The following DCC variants were observed in gnomAD, a reference collection of about 807,000 sequenced individuals.
The protein encoded by DCC is netrin receptor DCC.
DCC carries 58 observed loss-of-function variants against 172.5 expected under a neutral mutation model. The observed-to-expected ratio is 0.34, with a 90% CI of 0.27 to 0.42. The LOEUF (loss-of-function observed/expected upper bound fraction) is 0.42, where lower values mean the gene tolerates loss of function less well. Ranked by LOEUF, DCC falls within the 10% of genes least tolerant of loss-of-function variation. The pLI is 1.00. For synonymous variants in DCC, 709 were observed against 644.5 expected (o/e 1.10, Z -1.52); for missense variants, 1,740 against 1,791.0 (o/e 0.97, Z 0.51).
rs556684037 is a variant in DCC at position 53,011,856 on chromosome 18, T to C, written c.986-51449T>C. Among the ~76,000 whole-genome samples, 260 of 151,936 alleles carry C rather than the reference T, an allele frequency of 1.7e-3. 1 individual carries two copies. The highest frequency in any genetic ancestry group is 6.0e-3 in the African/African-American group (248 of 41,540). ...ATCCGGTCACATATTCATATTATAA[T>C]GATTATATAAGCTATAACTTTATAA... On this transcript the variant is annotated intron_variant, in intron 5 of 28. Transcript: ENST00000442544.
At chr18:53,281,856 A>G (rs944745357) in intron 12 of DCC, among the ~76,000 whole-genome samples, 6 of 151,726 alleles carry the variant, frequency 4.0e-5, no homozygotes, top group Admixed American at 1.3e-4. Context: ...TCTCCAAAAG[A>G]TATACATCCG....
chr18:52,529,569 C>T (rs1039778840), intron 1 of DCC, among the ~76,000 whole-genome samples: 1 of 152,190 alleles, frequency 6.6e-6, no homozygotes, highest in East Asian at 1.9e-4. Context: ...GGATTACAGG[C>T]GTGAGCCACC....
At chr18:53,339,649 G>T in intron 14 of DCC, 64 bp from the exon 15 acceptor site, 1 of 1,208,908 alleles carries the variant, frequency 8.3e-7, no homozygotes, top group Non-Finnish European at 1.2e-6. Flanking sequence ...TGCTTAAATG[G>T]TGTTCTGCCG....
intron 1 of DCC, among the ~76,000 whole-genome samples, chr18:52,373,482 T>A (rs567591554): frequency 6.6e-6 from 1 of 152,298 alleles, no homozygotes; most frequent in East Asian, 1.9e-4. Flanking sequence ...AGTGGAATAA[T>A]TTTGCTGTAT....
intron 1 of DCC, among the ~76,000 whole-genome samples, chr18:52,454,277 C>T (rs1988393129): frequency 6.6e-6 from 1 of 152,020 alleles, no homozygotes; most frequent in African/African-American, 2.4e-5. Flanking sequence ...CACATAGGAG[C>T]TGTGAAAGCA....
At chr18:52,454,503 A>G (rs1653314) in intron 1 of DCC, among the ~76,000 whole-genome samples, 5 of 151,178 alleles carry the variant, frequency 3.3e-5, no homozygotes, top group Non-Finnish European at 7.4e-5. Context: ...TTTTTTTTGT[A>G]TGATCACTAC....
chr18:52,406,769 T>C (rs1276418787), intron 1 of DCC, among the ~76,000 whole-genome samples: 1 of 152,062 alleles, frequency 6.6e-6, no homozygotes, highest in Non-Finnish European at 1.5e-5. Context: ...AGAGGTTGAT[T>C]CCTCAAAGCT....
At chr18:52,874,831 T>A in intron 2 of DCC, among the ~76,000 whole-genome samples, 1 of 151,900 alleles carries the variant, frequency 6.6e-6, no homozygotes, top group East Asian at 1.9e-4. Context: ...GAAACTAGAT[T>A]GGTTAGGAAA....
intron 9 of DCC, among the ~76,000 whole-genome samples, chr18:53,199,772 A>G (rs960883975): frequency 1.6e-4 from 24 of 152,158 alleles, no homozygotes; most frequent in Admixed American, 9.2e-4. Context: ...CTAACAAGCA[A>G]GCACTATTTT....
chr18:52,822,733 T>G (rs2038429371), intron 2 of DCC, among the ~76,000 whole-genome samples: 1 of 152,204 alleles, frequency 6.6e-6, no homozygotes, highest in Admixed American at 6.5e-5. Context: ...AGTATTAAGG[T>G]TGTGAAATTA....
At chr18:52,837,713 C>A (rs2038731244) in intron 2 of DCC, among the ~76,000 whole-genome samples, 2 of 152,214 alleles carry the variant, frequency 1.3e-5, no homozygotes, top group Admixed American at 6.5e-5. Context: ...TTACCCAGTT[C>A]TAACGTTACT....
At chr18:53,194,451 G>A (rs1230391757) in intron 9 of DCC, among the ~76,000 whole-genome samples, 1 of 151,498 alleles carries the variant, frequency 6.6e-6, no homozygotes, top group African/African-American at 2.4e-5. Flanking sequence ...GTGGTTTTTT[G>A]TTGTTGTTGT....
intron 1 of DCC, among the ~76,000 whole-genome samples, chr18:52,533,681 A>G (rs982182785): frequency 2.6e-5 from 4 of 152,148 alleles, no homozygotes; most frequent in African/African-American, 9.7e-5. Context: ...GGCTATTGTG[A>G]ATAAAGCTAC....
At chr18:52,670,401 A>G (rs1273115438) in intron 1 of DCC, among the ~76,000 whole-genome samples, 1 of 152,234 alleles carries the variant, frequency 6.6e-6, no homozygotes, top group African/African-American at 2.4e-5. Context: ...TCTAAGTAAA[A>G]TGCTATCACT....
At chr18:52,640,046 A>G (rs550173449) in intron 1 of DCC, among the ~76,000 whole-genome samples, 1 of 152,218 alleles carries the variant, frequency 6.6e-6, no homozygotes, top group South Asian at 2.1e-4. Context: ...CCAGGGATGC[A>G]GGGATGGTTT....
intron 14 of DCC, among the ~76,000 whole-genome samples, chr18:53,333,418 C>T (rs1318943884): frequency 1.3e-5 from 2 of 152,204 alleles, no homozygotes; most frequent in Non-Finnish European, 2.9e-5. Context: ...AAATGGAGGA[C>T]AAATGTGTGA....
chr18:52,449,610 A>G (rs1988237119), intron 1 of DCC, among the ~76,000 whole-genome samples: 2 of 152,160 alleles, frequency 1.3e-5, no homozygotes. Context: ...ACTGGTTGGG[A>G]GTGAGGTTTT....
At chr18:53,112,875 T>C (rs1299561283) in intron 7 of DCC, among the ~76,000 whole-genome samples, 1 of 151,524 alleles carries the variant, frequency 6.6e-6, no homozygotes, top group East Asian at 1.9e-4. Flanking sequence ...GTAATTGCAA[T>C]GTGTGTTGTC....
chr18:52,524,583 C>T (rs1433698432), intron 1 of DCC, among the ~76,000 whole-genome samples: 2 of 152,152 alleles, frequency 1.3e-5, no homozygotes, highest in African/African-American at 4.8e-5. Flanking sequence ...GCGGTTTTAG[C>T]TACCACATCT....
Sources: allele counts gnomAD v4.1 joint callset (sites outside exome capture counted in the v4.1 genomes callset), GRCh38; gene constraint gnomAD v4.1.1; transcripts MANE v1.5; gene names NCBI Gene and HGNC (gene_info 2026-07-23, HGNC 2026-07-21).